FNBP1L: variants seen among roughly 807,000 people sequenced by gnomAD.
The protein encoded by FNBP1L is formin binding protein 1 like, also known as formin-binding protein 1-like.
In FNBP1L, 36 loss-of-function variants were observed where a neutral mutation model predicts 91.2. That is an observed-to-expected ratio of 0.39 (90% CI 0.30 to 0.52). The LOEUF is 0.52. FNBP1L is among the 20% of genes least tolerant of loss of function. FNBP1L has a pLI of 0.66. For missense variants in FNBP1L, 571 were observed against 732.1 expected (o/e 0.78, Z 2.54); for synonymous variants, 242 against 237.0 (o/e 1.02, Z -0.19).
chr1:93,452,505 A>G (rs1386295770), intron 1 of FNBP1L, among the ~76,000 whole-genome samples: 1 of 152,258 alleles, frequency 6.6e-6, no homozygotes, highest in Non-Finnish European at 1.5e-5. Flanking sequence ...GACTGCCTAA[A>G]TAATTGGTGA....
At chr1:93,471,647 G>A (rs1669291696) in intron 1 of FNBP1L, among the ~76,000 whole-genome samples, 1 of 152,130 alleles carries the variant, frequency 6.6e-6, no homozygotes, top group Admixed American at 6.5e-5. Flanking sequence ...AGCTGTGATT[G>A]CACCACTGCA....
chr1:93,525,727 G>A (rs1033796499), intron 5 of FNBP1L, among the ~76,000 whole-genome samples: 1 of 152,168 alleles, frequency 6.6e-6, no homozygotes, highest in African/African-American at 2.4e-5. Context: ...CATCAAAAAT[G>A]TAGGAGAGAT....
intron 6 of FNBP1L, 107 bp from the exon 7 acceptor site, chr1:93,530,648 C>A: frequency 1.7e-6 from 2 of 1,143,134 alleles, no homozygotes; most frequent in African/African-American, 1.6e-5. Flanking sequence ...CTTTTGATGT[C>A]AGGTGTTGGC....
chr1:93,500,367 C>T (rs536330839), intron 2 of FNBP1L, among the ~76,000 whole-genome samples: 7 of 152,156 alleles, frequency 4.6e-5, no homozygotes, highest in Non-Finnish European at 1.0e-4. Context: ...ATACCATCCT[C>T]CGTGTTCGTT....
chr1:93,487,366 C>CA (rs1669944803), intron 1 of FNBP1L, among the ~76,000 whole-genome samples: 1 of 152,118 alleles, frequency 6.6e-6, no homozygotes, highest in Admixed American at 6.5e-5. Context: ...CAGTGTAAGT[C>CA]AAAGTGTTCA....
rs762019160 is a variant in FNBP1L at position 93,522,145 on chromosome 1, A to G, written c.194+10A>G. 15 of 1,432,172 alleles carry G rather than the reference A, an allele frequency of 1.0e-5. No homozygotes were observed. Among genetic ancestry groups the G allele is most frequent in the Non-Finnish European group, 1.4e-5 (15 of 1,082,414 alleles). 88.7% of individuals were successfully genotyped at this position (1,432,172 alleles called of 1,614,324 possible). A position where few individuals can be genotyped will look rare whatever the true frequency, so the allele number is the denominator to read the frequency against. On this transcript the variant is annotated intron_variant, in intron 3 of 16. Coordinates refer to ENST00000271234, the MANE Select transcript of FNBP1L (RefSeq NM_001164473.3). ...AAGATGAAGAGCCACGGTAAATTAC[A>G]TACCTGTTCATTAATGCATATTAAA... is the stretch of plus-strand genomic sequence containing the variant.
intron 1 of FNBP1L, among the ~76,000 whole-genome samples, chr1:93,467,782 G>A (rs1669141375): frequency 6.6e-6 from 1 of 151,940 alleles, no homozygotes. Context: ...CAAGACCCCA[G>A]CTCTTAAAAA....
intron 1 of FNBP1L, among the ~76,000 whole-genome samples, chr1:93,449,255 GT>G (rs1486103545): frequency 1.3e-5 from 2 of 152,260 alleles, no homozygotes; most frequent in East Asian, 3.9e-4. Flanking sequence ...GGGTCGAGGT[GT>G]GGAGGGCAGT....
chr1:93,450,435 A>C (rs1271739157), intron 1 of FNBP1L, among the ~76,000 whole-genome samples: 2 of 152,222 alleles, frequency 1.3e-5, no homozygotes, highest in East Asian at 3.8e-4. Flanking sequence ...CATTTATTAG[A>C]AACTAAGTAA....
chr1:93,514,125 A>T (rs996985305), intron 2 of FNBP1L, among the ~76,000 whole-genome samples: 4 of 152,018 alleles, frequency 2.6e-5, no homozygotes, highest in Admixed American at 2.6e-4. Flanking sequence ...ATACACCAAC[A>T]ACAGACAGAG....
chr1:93,485,977 C>T (rs1669881965), intron 1 of FNBP1L, among the ~76,000 whole-genome samples: 1 of 152,162 alleles, frequency 6.6e-6, no homozygotes, highest in African/African-American at 2.4e-5. Flanking sequence ...GGATTACAGG[C>T]GTGAGCCAAC....
chr1:93,510,373 TC>T (rs1296794316), intron 2 of FNBP1L, among the ~76,000 whole-genome samples: 1 of 152,126 alleles, frequency 6.6e-6, no homozygotes, highest in Non-Finnish European at 1.5e-5. Flanking sequence ...GGCTGGGTAC[TC>T]CAACAGACCT....
chr1:93,552,373 A>G, intron 16 of FNBP1L, 36 bp from the exon 17 acceptor site: 1 of 1,605,586 alleles, frequency 6.2e-7, no homozygotes, highest in South Asian at 1.1e-5. Context: ...AAAGGTCTTC[A>G]GTAATTGTTC....
chr1:93,514,086 A>T (rs535193971), intron 2 of FNBP1L, among the ~76,000 whole-genome samples: 5 of 151,658 alleles, frequency 3.3e-5, no homozygotes, highest in African/African-American at 1.2e-4. Context: ...AGGATACAAA[A>T]TCAATGTACA....
chr1:93,511,485 C>A (rs1291731747), intron 2 of FNBP1L, among the ~76,000 whole-genome samples: 4 of 152,178 alleles, frequency 2.6e-5, no homozygotes, highest in Admixed American at 6.5e-5. Context: ...CAACCAGTAC[C>A]AGCTGCTGCA....
rs1310514083 is a variant in FNBP1L, at chr1:93,526,466, G to A, written c.405+2143G>A. On this transcript the variant is annotated intron_variant, in intron 5 of 16. Transcript: ENST00000271234. ...TTCATCCAGAGGTGGGAAAAAGGCAGCATTTCACTTCCAACTATCCCATTT... is the reference window on the plus strand; with the variant it reads ...TTCATCCAGAGGTGGGAAAAAGGCAACATTTCACTTCCAACTATCCCATTT... 2.0e-5 allele frequency among the ~76,000 whole-genome samples: 3 copies of A among 152,220 alleles called. 1 individual carries two copies. The highest frequency in any genetic ancestry group is 2.0e-4 in the Admixed American group (3 of 15,286).
chr1:93,538,516 A>G (rs1339420349), intron 10 of FNBP1L, among the ~76,000 whole-genome samples: 1 of 152,134 alleles, frequency 6.6e-6, no homozygotes, highest in Non-Finnish European at 1.5e-5. Context: ...AGGACAGAGC[A>G]GGGAAGAAAG....
intron 1 of FNBP1L, among the ~76,000 whole-genome samples, chr1:93,481,210 A>G (rs1385609929): frequency 6.6e-6 from 1 of 152,204 alleles, no homozygotes; most frequent in Middle Eastern, 3.2e-3. Context: ...CTATATAAGC[A>G]GTTAGATAGG....
intron 1 of FNBP1L, among the ~76,000 whole-genome samples, chr1:93,487,540 A>G (rs1669949265): frequency 6.6e-6 from 1 of 152,198 alleles, no homozygotes; most frequent in Admixed American, 6.6e-5. Flanking sequence ...AACCAACCAC[A>G]TGACAGAGAT....
Sources: gnomAD v4.1 joint callset for allele counts (sites outside exome capture counted in the v4.1 genomes callset) on GRCh38, gnomAD v4.1.1 for gene constraint, MANE v1.5 for transcripts, NCBI Gene and HGNC (gene_info 2026-07-23, HGNC 2026-07-21) for gene names.